The following PLD1 variants were observed in gnomAD, a reference collection of about 807,000 sequenced individuals.
The protein encoded by PLD1 is choline phosphatase 1.
PLD1 carries 112 observed loss-of-function variants against 137.1 expected under a neutral mutation model. The observed-to-expected ratio is 0.82, with a 90% CI of 0.70 to 0.96. The LOEUF is 0.96. Among genes scored for constraint, PLD1 ranks in the 40% least tolerant of loss-of-function variants. The pLI is 0.00. For synonymous variants in PLD1, 431 were observed against 454.7 expected (o/e 0.95, Z 0.66); for missense variants, 1,321 against 1,342.0 (o/e 0.98, Z 0.24).
chr3:171,782,253 G>T lies in PLD1; in HGVS notation c.-32+28146C>A, dbSNP rs187655831. ...GCAGAGCATAAGAGGGTGGTCTGGG[G>T]ACTAACTGGGAAGCAACATGAGGGA... On this transcript the variant is annotated intron_variant, in intron 1 of 26. Coordinates refer to ENST00000351298, the MANE Select transcript of PLD1 (RefSeq NM_002662.5). 1.1e-3 allele frequency among the ~76,000 whole-genome samples: 173 copies of T among 152,322 alleles called. 1 individual carries two copies. The highest frequency in any genetic ancestry group is 3.9e-3 in the African/African-American group (164 of 41,552).
At chr3:171,804,578 C>T (rs992322560) in intron 1 of PLD1, among the ~76,000 whole-genome samples, 17 of 152,170 alleles carry the variant, frequency 1.1e-4, no homozygotes, top group Admixed American at 9.2e-4. Context: ...GGAAGACAGA[C>T]AATAGAAAAA....
At chr3:171,810,085 T>G (rs563955521) in intron 1 of PLD1, among the ~76,000 whole-genome samples, 21 of 152,332 alleles carry the variant, frequency 1.4e-4, no homozygotes, top group Admixed American at 3.3e-4. Flanking sequence ...GGCGAGGCGG[T>G]GCATCCTGCA....
At chr3:171,614,802 T>C (rs1732962826) in intron 24 of PLD1, among the ~76,000 whole-genome samples, 1 of 152,216 alleles carries the variant, frequency 6.6e-6, no homozygotes, top group Admixed American at 6.5e-5. Flanking sequence ...ACCTGGGATG[T>C]GAGCCAGCCT....
At position 171,659,210 on chromosome 3, in the gene PLD1, T is replaced by C; in HGVS notation, c.2429+3A>G. On this transcript the variant is annotated splice_donor_region_variant and intron_variant, in intron 21 of 26. Coordinates refer to ENST00000351298, the MANE Select transcript of PLD1 (RefSeq NM_002662.5). ...GCGAGAACTCTCAGCCAAAGGCTGT[T>C]ACCTGTGAGCTTTCAGGATCCTCTG... 1 of 1,599,276 alleles carries C rather than the reference T, an allele frequency of 6.3e-7. No individual in the cohort carries two copies. The highest frequency in any genetic ancestry group is 8.6e-7 in the Non-Finnish European group (1 of 1,166,412).
chr3:171,602,761 T>A lies in PLD1; in HGVS notation c.*317A>T, dbSNP rs2108244262. ...AACTTTTGGCAACCTAGATCACAGT[T>A]ACTGGTAAATTCTTGTTACAAAGGA... On this transcript the variant is annotated 3_prime_UTR_variant, in exon 27 of 27. Transcript: ENST00000351298. 1 of 305,046 alleles carries A rather than the reference T, an allele frequency of 3.3e-6. No homozygotes were observed. Among genetic ancestry groups the A allele is most frequent in the East Asian group, 6.8e-5 (1 of 14,712 alleles). 18.9% of individuals were successfully genotyped at this position (305,046 alleles called of 1,614,324 possible).
chr3:171,804,531 C>G (rs1398562464), intron 1 of PLD1, among the ~76,000 whole-genome samples: 1 of 152,142 alleles, frequency 6.6e-6, no homozygotes, highest in Non-Finnish European at 1.5e-5. Context: ...ATGACAAAAA[C>G]ACAGTCTGTG....
intron 1 of PLD1, among the ~76,000 whole-genome samples, chr3:171,768,670 C>T (rs758427616): frequency 4.6e-5 from 7 of 152,210 alleles, no homozygotes; most frequent in Admixed American, 2.0e-4. Context: ...ACGTTTGGGG[C>T]GTAGCCAATT....
rs1731962338 is a variant in PLD1, at chr3:171,603,306, A to G, written c.3001-4T>C. On this transcript the variant is annotated splice_polypyrimidine_tract_variant and splice_region_variant and intron_variant, in intron 26 of 26. Coordinates refer to ENST00000351298, the MANE Select transcript of PLD1 (RefSeq NM_002662.5). ...CATTGGGAAGGCACCGGAAAACCTG[A>G]TTAGAGCATAAATAGAAAAATGAGT... 1 of 1,604,524 alleles carries G rather than the reference A, an allele frequency of 6.2e-7. No individual in the cohort carries two copies. The highest frequency in any genetic ancestry group is 2.2e-5 in the East Asian group (1 of 44,794).
intron 1 of PLD1, among the ~76,000 whole-genome samples, chr3:171,782,476 G>C (rs1433596338): frequency 6.6e-6 from 1 of 152,230 alleles, no homozygotes; most frequent in East Asian, 1.9e-4. Context: ...TTAGGAGTGA[G>C]TGTACTGATG....
chr3:171,606,375 A>G (rs1732203276), intron 25 of PLD1, among the ~76,000 whole-genome samples: 1 of 152,182 alleles, frequency 6.6e-6, no homozygotes, highest in African/African-American at 2.4e-5. Context: ...GCAGTAGATA[A>G]ATGGAACTGG....
chr3:171,792,650 C>T (rs1404009114), intron 1 of PLD1: 1 of 456,696 alleles, frequency 2.2e-6, no homozygotes, highest in Admixed American at 2.3e-5. Context: ...TGTCTTTCCC[C>T]CTGCCTCTGT....
chr3:171,785,253 T>C (rs1722963639), intron 1 of PLD1, among the ~76,000 whole-genome samples: 1 of 152,218 alleles, frequency 6.6e-6, no homozygotes, highest in African/African-American at 2.4e-5. Flanking sequence ...GTTACAAAAG[T>C]GAGCCACATA....
chr3:171,785,088 G>T (rs1021081412), intron 1 of PLD1, among the ~76,000 whole-genome samples: 4 of 152,158 alleles, frequency 2.6e-5, no homozygotes, highest in Non-Finnish European at 5.9e-5. Context: ...TACAGATCCA[G>T]ATTTTATTGT....
At chr3:171,722,905 G>A (rs1349877795) in intron 8 of PLD1, among the ~76,000 whole-genome samples, 3 of 151,212 alleles carry the variant, frequency 2.0e-5, no homozygotes, top group Admixed American at 6.6e-5. Context: ...ATATTTATGG[G>A]GTATATGAGA....
intron 1 of PLD1, chr3:171,792,726 G>A (rs1202547601): frequency 2.2e-6 from 1 of 456,640 alleles, no homozygotes. Context: ...CATTTCTGCA[G>A]GGCACATACC....
chr3:171,775,829 G>C lies in PLD1; in HGVS notation c.-32+34570C>G, dbSNP rs951279894. ...CTGCACTCCAGCCTGGATGACAGAG[G>C]GACACTCTGTCTCAAAATAAGTAAA... On this transcript the variant is annotated intron_variant, in intron 1 of 26. Transcript: ENST00000351298. 1.3e-5 allele frequency among the ~76,000 whole-genome samples: 2 copies of C among 151,624 alleles called. 1 individual carries two copies. Among genetic ancestry groups the C allele is most frequent in the East Asian group, 3.9e-4 (2 of 5,146 alleles).
At chr3:171,714,729 T>C (rs1717542716) in intron 8 of PLD1, among the ~76,000 whole-genome samples, 1 of 152,238 alleles carries the variant, frequency 6.6e-6, no homozygotes, top group African/African-American at 2.4e-5. Context: ...CCTACATTGA[T>C]TTCCACATAG....
At position 171,764,929 on chromosome 3, in the gene PLD1, GAAAGGAAAGAAA is replaced by G. The variant is rs1560289244; in HGVS notation, c.-31-26859_-31-26848del. 7.5e-3 allele frequency among the ~76,000 whole-genome samples: 96 copies of G among 12,844 alleles called. 11 individuals are homozygous for G. Among genetic ancestry groups the G allele is most frequent in the African/African-American group, 0.012 (39 of 3,272 alleles). The allele number at this position is 12,844 out of a possible 152,430, so 8.4% of individuals were successfully genotyped here. On this transcript the variant is annotated intron_variant, in intron 1 of 26. Transcript: ENST00000351298. ...GAAGGAAGGAAAGAAAGAAAGGAAA[GAAAGGAAAGAAA>G]GAAAGAAAGAAAGAAAGAAAGAAAG...
At chr3:171,668,793 C>T (rs1712428769) in intron 19 of PLD1, among the ~76,000 whole-genome samples, 1 of 152,154 alleles carries the variant, frequency 6.6e-6, no homozygotes, top group Non-Finnish European at 1.5e-5. Flanking sequence ...ACACGGCATT[C>T]AGCATTTTCT....
Sources: allele counts gnomAD v4.1 joint callset (sites outside exome capture counted in the v4.1 genomes callset), GRCh38; gene constraint gnomAD v4.1.1; transcripts MANE v1.5; gene names NCBI Gene and HGNC (gene_info 2026-07-23, HGNC 2026-07-21).